Variants in LRP11 observed in about 807,000 individuals in gnomAD.
The protein encoded by LRP11 is LDL receptor related protein 11.
LRP11 carries 25 observed loss-of-function variants against 43.1 expected under a neutral mutation model. That is an observed-to-expected ratio of 0.58 (90% CI 0.42 to 0.81). The LOEUF is 0.81. Ranked by LOEUF, LRP11 falls within the 30% of genes least tolerant of loss-of-function variation. The probability of loss-of-function intolerance (pLI) is 0.00; values close to 1 mark genes in which losing one functional copy is unlikely to be tolerated. For missense variants in LRP11, 623 were observed against 665.1 expected, an observed-to-expected ratio of 0.94 and a Z score of 0.70; for synonymous variants, 316 against 299.4, an observed-to-expected ratio of 1.06 and a Z score of -0.57.
intron 3 of LRP11, among the ~76,000 whole-genome samples, chr6:149,837,761 T>C (rs746157100): frequency 1.5e-4 from 23 of 152,234 alleles, no homozygotes; most frequent in Admixed American, 5.9e-4. Flanking sequence ...CCACCCTTGA[T>C]TCCCCGCCTC....
intron 3 of LRP11, among the ~76,000 whole-genome samples, chr6:149,838,544 G>T (rs1355234101): frequency 6.6e-6 from 1 of 151,752 alleles, no homozygotes; most frequent in African/African-American, 2.4e-5. Context: ...AATTAGCCGG[G>T]CTTGGTGGCA....
chr6:149,847,358 C>T (rs1165879592), intron 2 of LRP11, among the ~76,000 whole-genome samples: 1 of 152,230 alleles, frequency 6.6e-6, no homozygotes, highest in Non-Finnish European at 1.5e-5. Flanking sequence ...CCTGAGCACA[C>T]TCCAGTTTAG....
chr6:149,851,197 A>C lies in LRP11; in HGVS notation c.771+1806T>G, dbSNP rs73779584. 5.0e-3 allele frequency among the ~76,000 whole-genome samples: 761 copies of C among 152,340 alleles called. 9 individuals carry two copies. The highest frequency in any genetic ancestry group is 0.017 in the African/African-American group (724 of 41,578). On this transcript the variant is annotated intron_variant, in intron 2 of 6. Transcript: ENST00000239367. ...TGGTTCAGAGTTTCCTCTTGAAGGC[A>C]AGAAAAATGCAGCACGAACCCACTG...
At position 149,853,166 on chromosome 6, in the gene LRP11, A is replaced by G; in HGVS notation, c.614-6T>C. On this transcript the variant is annotated splice_polypyrimidine_tract_variant and splice_region_variant and intron_variant, in intron 1 of 6. Coordinates refer to ENST00000239367, the MANE Select transcript of LRP11 (RefSeq NM_032832.6). ...AAGTGGAGGCGCATCCTTTTCTGAG[A>G]AAGAAAATAAATAATTCATAAAAGA... The G allele has an allele frequency of 1.9e-6, 3 of 1,552,704 alleles. No individual in the cohort carries two copies. Among genetic ancestry groups the G allele is most frequent in the Non-Finnish European group, 2.6e-6 (3 of 1,152,910 alleles).
intron 5 of LRP11, among the ~76,000 whole-genome samples, chr6:149,831,105 T>A (rs571379083): frequency 6.6e-6 from 1 of 152,370 alleles, no homozygotes; most frequent in East Asian, 1.9e-4. Context: ...TTGGTAATGA[T>A]CCTTCTGGAA....
In LRP11 at chr6:149,836,172, T is replaced by C. The variant is rs780719257; in HGVS notation, c.1165A>G (p.Asn389Asp). 3.1e-6 allele frequency: 5 copies of C among 1,614,048 alleles called. No individual in the cohort carries two copies. Among genetic ancestry groups the C allele is most frequent in the Non-Finnish European group, 8.5e-7 (1 of 1,180,018 alleles). Residue 389 changes from asparagine to aspartate, a missense_variant, in exon 5 of 7, where the codon AAC becomes GAC. Coordinates refer to ENST00000239367, the MANE Select transcript of LRP11 (RefSeq NM_032832.6). ...GTGTTTGATAATGCAGGTGGCTTGT[T>C]TGGGGCAGTGGCTTTCTGAGACTTT... ...VEKSQKATAP[N>D]KPPALSNTEK...
chr6:149,862,577 C>CTTTTTTTT (rs10553273), intron 1 of LRP11, among the ~76,000 whole-genome samples: 26 of 126,194 alleles, frequency 2.1e-4, no homozygotes, highest in African/African-American at 3.0e-4. Context: ...TTTTCTTTTC[C>CTTTTTTTT]TTTTTTTTTT....
intron 1 of LRP11, among the ~76,000 whole-genome samples, chr6:149,854,291 C>T (rs1238338658): frequency 6.6e-6 from 1 of 151,860 alleles, no homozygotes; most frequent in Admixed American, 6.6e-5. Flanking sequence ...CACCTATTTT[C>T]ACTCTTTTGT....
chr6:149,831,340 C>T (rs1015306346), intron 5 of LRP11, among the ~76,000 whole-genome samples: 2 of 152,234 alleles, frequency 1.3e-5, no homozygotes, highest in African/African-American at 4.8e-5. Context: ...GGATGTAGCA[C>T]CACTTTTCTA....
intron 2 of LRP11, among the ~76,000 whole-genome samples, chr6:149,849,897 C>A (rs1414752314): frequency 6.6e-6 from 1 of 152,130 alleles, no homozygotes; most frequent in Non-Finnish European, 1.5e-5. Context: ...AGGTTGAATA[C>A]CTGTCTGGGT....
chr6:149,820,982 G>A (rs1158325520), intron 6 of LRP11, among the ~76,000 whole-genome samples: 1 of 147,616 alleles, frequency 6.8e-6, no homozygotes, highest in Admixed American at 6.9e-5. Context: ...CCAGGCTGGA[G>A]TGTAATGGCT....
At position 149,864,167 on chromosome 6, in the gene LRP11, G is replaced by A. The variant is rs1344896469; in HGVS notation, c.-147C>T. 4 of 1,143,200 alleles carry A rather than the reference G, an allele frequency of 3.5e-6. No homozygotes were observed. The African/African-American group carries it at 6.5e-5, about 19-fold the overall frequency. 70.8% of individuals were successfully genotyped at this position (1,143,200 alleles called of 1,614,324 possible). A position where few individuals can be genotyped will look rare whatever the true frequency, so the allele number is the denominator to read the frequency against. On this transcript the variant is annotated 5_prime_UTR_variant, in exon 1 of 7. Transcript: ENST00000239367. ...CTCACAGCGCGGCGCCCCCGAACCCGGCTGCTCCCCCGAGGTCGCGGGCGC... is the reference window on the plus strand; with the variant it reads ...CTCACAGCGCGGCGCCCCCGAACCCAGCTGCTCCCCCGAGGTCGCGGGCGC...
intron 1 of LRP11, among the ~76,000 whole-genome samples, chr6:149,861,987 G>A (rs773467118): frequency 6.6e-5 from 10 of 152,212 alleles, no homozygotes; most frequent in Non-Finnish European, 1.3e-4. Flanking sequence ...TTTCTTTGCT[G>A]CTGGGATATT....
chr6:149,837,767 G>A (rs192933942), intron 3 of LRP11, among the ~76,000 whole-genome samples: 8 of 152,200 alleles, frequency 5.3e-5, no homozygotes, highest in East Asian at 3.9e-4. Context: ...TTGATTCCCC[G>A]CCTCAGCTGT....
At chr6:149,858,409 A>C (rs559905593) in intron 1 of LRP11, among the ~76,000 whole-genome samples, 1 of 152,240 alleles carries the variant, frequency 6.6e-6, no homozygotes, top group African/African-American at 2.4e-5. Context: ...TAGTCCATGG[A>C]GTATATGTGC....
In LRP11 at chr6:149,856,880, C is replaced by T. The variant is rs578058931; in HGVS notation, c.614-3720G>A. The stretch of plus-strand genomic sequence containing the variant: ...TGGAAAGAACCCTGAAGTCAGGGTA[C>T]GGAAGCGGGGCGAGACTAGGGGAAG... On this transcript the variant is annotated intron_variant, in intron 1 of 6. Coordinates refer to ENST00000239367, the MANE Select transcript of LRP11 (RefSeq NM_032832.6). Among the ~76,000 whole-genome samples the T allele has an allele frequency of 1.2e-4, 18 of 152,174 alleles. No homozygotes were observed. The South Asian group carries it at 1.2e-3, about 11-fold the overall frequency.
intron 2 of LRP11, among the ~76,000 whole-genome samples, chr6:149,848,540 T>G (rs1371928984): frequency 6.6e-6 from 1 of 152,190 alleles, no homozygotes; most frequent in Admixed American, 6.5e-5. Context: ...CATGGAATAC[T>G]ATGCAGCCAT....
At chr6:149,826,187 G>A (rs781728772) in intron 6 of LRP11, 77 bp downstream of exon 6, 3 of 1,112,162 alleles carry the variant, frequency 2.7e-6, no homozygotes, top group Non-Finnish European at 4.2e-6. Context: ...CATGGCCTCA[G>A]GGAATATCCT....
At chr6:149,824,115 C>T (rs1226298080) in intron 6 of LRP11, among the ~76,000 whole-genome samples, 1 of 152,190 alleles carries the variant, frequency 6.6e-6, no homozygotes, top group Non-Finnish European at 1.5e-5. Flanking sequence ...CCCAGGAACC[C>T]CAAATCATTT....
Sources: gnomAD v4.1 joint callset for allele counts (sites outside exome capture counted in the v4.1 genomes callset) on GRCh38, gnomAD v4.1.1 for gene constraint, MANE v1.5 for transcripts, NCBI Gene and HGNC (gene_info 2026-07-23, HGNC 2026-07-21) for gene names.